CSMD1: variants seen among roughly 807,000 people sequenced by gnomAD.
The protein encoded by CSMD1 is CUB and Sushi multiple domains 1, also known as CUB and sushi domain-containing protein 1.
Under a neutral mutation model 417.5 loss-of-function variants are expected in CSMD1, and 213 were observed. That is an observed-to-expected ratio of 0.51 (90% CI 0.46 to 0.57). CSMD1 has a LOEUF of 0.57. CSMD1 is among the 20% of genes least tolerant of loss of function. CSMD1 has a pLI of 0.00. For missense variants in CSMD1, 6,923 were observed against 4,529.7 expected, an observed-to-expected ratio of 1.53 and a Z score of -15.17; for synonymous variants, 2,862 against 1,736.8, an observed-to-expected ratio of 1.65 and a Z score of -16.11.
chr8:4,829,522 T>A (rs933154397), intron 1 of CSMD1, among the ~76,000 whole-genome samples: 1 of 152,020 alleles, frequency 6.6e-6, no homozygotes, highest in Admixed American at 6.6e-5. Context: ...CAGGAGGATC[T>A]CTTGAGCCCA....
At chr8:4,678,021 A>G (rs1234654636) in intron 1 of CSMD1, among the ~76,000 whole-genome samples, 1 of 152,146 alleles carries the variant, frequency 6.6e-6, no homozygotes, top group Non-Finnish European at 1.5e-5. Context: ...CAAATATAAA[A>G]CCAAATGGGA....
At chr8:4,950,141 G>T (rs1808643553) in intron 1 of CSMD1, among the ~76,000 whole-genome samples, 1 of 152,010 alleles carries the variant, frequency 6.6e-6, no homozygotes, top group South Asian at 2.1e-4. Context: ...ATATGTCTAT[G>T]TTCCCATGTA....
intron 3 of CSMD1, among the ~76,000 whole-genome samples, chr8:4,341,456 G>C (rs555359622): frequency 2.9e-4 from 44 of 152,180 alleles, no homozygotes; most frequent in African/African-American, 9.9e-4. Context: ...TTGTGGTTAA[G>C]AAGCAGTATT....
At chr8:4,960,773 C>T (rs1388746543) in intron 1 of CSMD1, among the ~76,000 whole-genome samples, 1 of 152,048 alleles carries the variant, frequency 6.6e-6, no homozygotes, top group South Asian at 2.1e-4. Context: ...TTTCTTACAT[C>T]TAAGCAAGAA....
chr8:3,165,588 C>T (rs999547063), intron 37 of CSMD1, among the ~76,000 whole-genome samples: 8 of 151,924 alleles, frequency 5.3e-5, no homozygotes, highest in Admixed American at 2.6e-4. Flanking sequence ...CCCGCCACCA[C>T]GCCCGGCTAA....
chr8:4,425,448 T>C (rs2083714791), intron 2 of CSMD1, among the ~76,000 whole-genome samples: 1 of 151,866 alleles, frequency 6.6e-6, no homozygotes, highest in African/African-American at 2.4e-5. Flanking sequence ...TGGATCCAAT[T>C]GATCATAAAG....
At chr8:3,531,244 AT>A (rs1215223413) in intron 10 of CSMD1, among the ~76,000 whole-genome samples, 3 of 151,896 alleles carry the variant, frequency 2.0e-5, no homozygotes, top group African/African-American at 7.3e-5. Flanking sequence ...GGTCCCTCCC[AT>A]TTCCTCTGGC....
intron 3 of CSMD1, among the ~76,000 whole-genome samples, chr8:4,402,565 G>C (rs574126552): frequency 3.9e-5 from 6 of 152,152 alleles, no homozygotes; most frequent in Admixed American, 3.9e-4. Flanking sequence ...TTCCACTCTT[G>C]AAGGGAGACT....
chr8:3,801,662 A>T (rs1451551877), intron 5 of CSMD1, among the ~76,000 whole-genome samples: 1 of 152,156 alleles, frequency 6.6e-6, no homozygotes, highest in East Asian at 1.9e-4. Context: ...TAACACAAAA[A>T]CTAGTGGGCA....
chr8:4,030,690 C>G (rs534052903), intron 4 of CSMD1, among the ~76,000 whole-genome samples: 2 of 152,198 alleles, frequency 1.3e-5, no homozygotes, highest in African/African-American at 4.8e-5. Context: ...GTTACTTATA[C>G]AAATTTCTGC....
chr8:3,574,611 T>A (rs146675818), intron 10 of CSMD1, among the ~76,000 whole-genome samples: 6 of 152,336 alleles, frequency 3.9e-5, no homozygotes, highest in Non-Finnish European at 7.3e-5. Context: ...ATACTATGCA[T>A]AAATACTGTG....
intron 5 of CSMD1, among the ~76,000 whole-genome samples, chr8:3,870,294 C>G (rs1805392372): frequency 6.6e-6 from 1 of 152,138 alleles, no homozygotes; most frequent in Non-Finnish European, 1.5e-5. Context: ...AATATTTCCA[C>G]ATTATATATC....
chr8:4,926,436 A>G (rs1806878289), intron 1 of CSMD1, among the ~76,000 whole-genome samples: 2 of 152,168 alleles, frequency 1.3e-5, no homozygotes, highest in South Asian at 4.1e-4. Context: ...CACACTTAAT[A>G]CTGGCGCTTG....
At chr8:3,707,054 A>G (rs10095166) in intron 7 of CSMD1, among the ~76,000 whole-genome samples, 139,872 of 151,798 alleles carry the variant, frequency 0.92, 64,512 homozygotes, top group East Asian at 0.99. Context: ...AGAGTATGGT[A>G]GCTCCTCTCT....
At chr8:3,658,583 G>C (rs1188401888) in intron 7 of CSMD1, among the ~76,000 whole-genome samples, 1 of 151,706 alleles carries the variant, frequency 6.6e-6, no homozygotes, top group Non-Finnish European at 1.5e-5. Flanking sequence ...AGGAGTTTGA[G>C]ACCAGCTTGG....
chr8:3,841,126 T>C (rs891993733), intron 5 of CSMD1, among the ~76,000 whole-genome samples: 7 of 152,236 alleles, frequency 4.6e-5, no homozygotes, highest in South Asian at 4.1e-4. Flanking sequence ...CCTGGCACTA[T>C]TGGCCCCCTC....
intron 3 of CSMD1, among the ~76,000 whole-genome samples, chr8:4,305,183 A>C (rs578183357): frequency 6.6e-6 from 1 of 152,334 alleles, no homozygotes; most frequent in South Asian, 2.1e-4. Flanking sequence ...AATTACATCA[A>C]GTAACTTCAC....
intron 23 of CSMD1, among the ~76,000 whole-genome samples, chr8:3,319,633 A>G (rs556016639): frequency 3.9e-5 from 6 of 152,306 alleles, no homozygotes; most frequent in South Asian, 4.1e-4. Context: ...TGTGAAATTG[A>G]ATTATATGAT....
At chr8:4,570,875 G>C (rs1050940242) in intron 2 of CSMD1, among the ~76,000 whole-genome samples, 2 of 152,194 alleles carry the variant, frequency 1.3e-5, no homozygotes, top group Non-Finnish European at 2.9e-5. Context: ...TCTTGGGAGA[G>C]TATGTGTACC....
Sources: allele counts gnomAD v4.1 joint callset (sites outside exome capture counted in the v4.1 genomes callset), GRCh38; gene constraint gnomAD v4.1.1; transcripts MANE v1.5; gene names NCBI Gene and HGNC (gene_info 2026-07-23, HGNC 2026-07-21).